The following SIAE variants were observed in gnomAD, a reference collection of about 807,000 sequenced individuals.
SIAE encodes the protein sialate O-acetylesterase.
SIAE carries 39 observed loss-of-function variants against 52.6 expected under a neutral mutation model. That is an observed-to-expected ratio of 0.74 (90% CI 0.57 to 0.97). The LOEUF (loss-of-function observed/expected upper bound fraction) is 0.97, where lower values mean the gene tolerates loss of function less well. Among genes scored for constraint, SIAE ranks in the 50% least tolerant of loss-of-function variants. SIAE has a pLI of 0.00. For synonymous variants in SIAE, 233 were observed against 241.4 expected (o/e 0.97, Z 0.32); for missense variants, 592 against 662.1 (o/e 0.89, Z 1.16).
At chr11:124,659,479 A>AAAAAATC (rs1333505659) in intron 3 of SIAE, 1 of 152,054 alleles carries the variant, frequency 6.6e-6, no homozygotes, top group Admixed American at 6.6e-5. Context: ...TATAAAAAAT[A>AAAAAATC]AAAAATCAGC....
intron 9 of SIAE, 108 bp downstream of exon 9, chr11:124,638,434 C>G: frequency 2.4e-6 from 3 of 1,267,864 alleles, no homozygotes; most frequent in Non-Finnish European, 3.4e-6. Flanking sequence ...AGCCCCCAAC[C>G]AACCAAGACC....
At chr11:124,641,471 A>G (rs1271577299) in intron 7 of SIAE, among the ~76,000 whole-genome samples, 2 of 152,236 alleles carry the variant, frequency 1.3e-5, no homozygotes, top group African/African-American at 2.4e-5. Flanking sequence ...ATTCTTTTGT[A>G]TTAAACAATA....
intron 3 of SIAE, among the ~76,000 whole-genome samples, chr11:124,657,826 C>T (rs963051957): frequency 7.9e-5 from 12 of 152,054 alleles, no homozygotes; most frequent in Non-Finnish European, 1.0e-4. Flanking sequence ...AGCATTTCCT[C>T]GGGGATATGT....
In SIAE at chr11:124,636,673, T is replaced by G; in HGVS notation, c.*278A>C. The G allele has an allele frequency of 2.1e-6, 1 of 470,512 alleles. No homozygotes were observed. The highest frequency in any genetic ancestry group is 3.9e-6 in the Non-Finnish European group (1 of 257,696). The allele number at this position is 470,512 out of a possible 1,614,324, so 29.1% of individuals were successfully genotyped here. A position where few individuals can be genotyped will look rare whatever the true frequency, so the allele number is the denominator to read the frequency against. ...GTATTAGACATTTCACTCCCATTAATATGAGGGAAGTAAATGACATTGAGG... is the reference window on the plus strand; with the variant it reads ...GTATTAGACATTTCACTCCCATTAAGATGAGGGAAGTAAATGACATTGAGG... On this transcript the variant is annotated 3_prime_UTR_variant, in exon 10 of 10. Transcript: ENST00000263593.
At chr11:124,655,087 A>G (rs1484573879) in intron 3 of SIAE, among the ~76,000 whole-genome samples, 1 of 152,202 alleles carries the variant, frequency 6.6e-6, no homozygotes, top group Non-Finnish European at 1.5e-5. Context: ...ATTGCCCAGC[A>G]CTTACAACAC....
chr11:124,670,635 A>G lies in SIAE; in HGVS notation c.68-1114T>C, dbSNP rs954647047. Among the ~76,000 whole-genome samples, 1 of 152,184 alleles carries G rather than the reference A, an allele frequency of 6.6e-6. No homozygotes were observed. The highest frequency in any genetic ancestry group is 1.5e-5 in the Non-Finnish European group (1 of 68,042). On this transcript the variant is annotated intron_variant, in intron 1 of 9. Coordinates refer to ENST00000263593, the MANE Select transcript of SIAE (RefSeq NM_170601.5). The surrounding 1 kb of genome is among the most constrained non-coding windows in gnomAD (Gnocchi z 4.5). ...TCCTCCCTGGAAGCTACAAATGATG[A>G]GGGCCCCTTCGGCTATACTTAACAG... is the stretch of plus-strand genomic sequence containing the variant.
chr11:124,675,339 C>G (rs746710809), upstream of SIAE: 2 of 1,614,166 alleles, frequency 1.2e-6, no homozygotes, highest in African/African-American at 1.3e-5. Context: ...GGCTGACACG[C>G]GAGATTCTGA....
chr11:124,646,880 G>A (rs961974047), intron 7 of SIAE, among the ~76,000 whole-genome samples: 1 of 152,104 alleles, frequency 6.6e-6, no homozygotes, highest in African/African-American at 2.4e-5. Context: ...CCATATTTCA[G>A]GCTCTACAAT....
At chr11:124,653,601 T>C (rs149486092) in intron 4 of SIAE, among the ~76,000 whole-genome samples, 3 of 151,938 alleles carry the variant, frequency 2.0e-5, no homozygotes, top group Admixed American at 2.0e-4. Context: ...GGTGAACAAA[T>C]TGTTGAGGTG....
chr11:124,660,873 A>C, intron 2 of SIAE, 70 bp from the exon 3 acceptor site: 195 of 1,544,116 alleles, frequency 1.3e-4, no homozygotes, highest in Middle Eastern at 3.4e-4. Flanking sequence ...AATTATACTC[A>C]TTTGTGGCTA....
In SIAE at chr11:124,654,657, G is replaced by T. The variant is rs1943068894; in HGVS notation, c.542C>A (p.Ser181Ter). The change falls in exon 4 of 10, where the codon TCA becomes TAA. Residue 181 changes from serine to a stop codon, truncating the protein, a stop_gained and splice_region_variant. Coordinates refer to ENST00000263593, the MANE Select transcript of SIAE (RefSeq NM_170601.5). LOFTEE classifies it high-confidence loss of function. ...AGCACGTTCAAGCCGTCACATACCT[G>T]AGGTGGGCTTAGACCACTGCAAGTC... ...AVDLQWSKPT[S>*]ENLGHGYFKY... 6.2e-6 allele frequency: 10 copies of T among 1,614,146 alleles called. No individual in the cohort carries two copies. The highest frequency in any genetic ancestry group is 8.5e-6 in the Non-Finnish European group (10 of 1,180,004).
intron 9 of SIAE, among the ~76,000 whole-genome samples, chr11:124,638,043 A>T (rs954714870): frequency 1.3e-5 from 2 of 152,216 alleles, no homozygotes; most frequent in Non-Finnish European, 2.9e-5. Flanking sequence ...GTTCCACAGC[A>T]GAATGACCCC....
intron 7 of SIAE, among the ~76,000 whole-genome samples, chr11:124,646,272 CAT>C (rs1222290164): frequency 6.6e-6 from 1 of 152,152 alleles, no homozygotes; most frequent in East Asian, 1.9e-4. Context: ...TTTTCATTCA[CAT>C]GTTAAGCCAC....
upstream of SIAE, chr11:124,675,441 T>C (rs1160570903): frequency 6.3e-7 from 1 of 1,599,934 alleles, no homozygotes; most frequent in Non-Finnish European, 8.5e-7. Flanking sequence ...AAATTAGTCA[T>C]TTTTTAAAAT....
At chr11:124,648,870 C>A (rs1565411559) in intron 5 of SIAE, among the ~76,000 whole-genome samples, 1 of 152,174 alleles carries the variant, frequency 6.6e-6, no homozygotes. Flanking sequence ...TTCACTCCCC[C>A]ACAGGCAAGC....
At chr11:124,673,834 T>C, upstream of SIAE, 1 of 1,030,376 alleles carries the variant, frequency 9.7e-7, no homozygotes, top group Non-Finnish European at 1.4e-6. Flanking sequence ...ACCTCAGGAC[T>C]GGGCTGTACT....
chr11:124,654,690 AC>A lies in SIAE; in HGVS notation c.508del (p.Val170LeufsTer15), dbSNP rs1565413745. The A allele has an allele frequency of 6.2e-7, 1 of 1,614,224 alleles. No individual in the cohort carries two copies. The highest frequency in any genetic ancestry group is 2.2e-5 in the East Asian group (1 of 44,884). On this transcript the variant is annotated frameshift_variant, in exon 4 of 10. Transcript: ENST00000263593. LOFTEE classifies it high-confidence loss of function. Reference protein sequence around the residue: ...IQAEQELEDLVAVDLQWSKPT... With the variant: ...IQAEQELEDLXAVDLQWSKPT... Reference sequence around the variant, plus strand: ...CTTAGACCACTGCAAGTCAACCGCAACAAGGTCCTCCAGCTCCTGCTCTGCT... The same window carrying A: ...CTTAGACCACTGCAAGTCAACCGCAAAAGGTCCTCCAGCTCCTGCTCTGCT...
At chr11:124,665,481 G>A (rs1203322069) in intron 2 of SIAE, among the ~76,000 whole-genome samples, 1 of 152,166 alleles carries the variant, frequency 6.6e-6, no homozygotes, top group Non-Finnish European at 1.5e-5. Flanking sequence ...CTCCCTACTC[G>A]CACCTCCAGG....
At chr11:124,638,027 GC>G (rs1942780952) in intron 9 of SIAE, among the ~76,000 whole-genome samples, 1 of 152,012 alleles carries the variant, frequency 6.6e-6, no homozygotes, top group Admixed American at 6.6e-5. Context: ...TTCATCAATG[GC>G]CCCAGTTCCA....
Sources: gnomAD v4.1 joint callset for allele counts (sites outside exome capture counted in the v4.1 genomes callset) on GRCh38, gnomAD v4.1.1 for gene constraint, Gnocchi (gnomAD v3.1) non-coding constraint, MANE v1.5 for transcripts, NCBI Gene and HGNC (gene_info 2026-07-23, HGNC 2026-07-21) for gene names.